Variants in PLXDC2 observed in about 807,000 individuals in gnomAD.
The protein encoded by PLXDC2 is plexin domain-containing protein 2.
A neutral mutation model predicts 68.9 loss-of-function variants in PLXDC2; 40 were observed. The ratio of observed to expected loss-of-function variants is 0.58; its 90% confidence interval spans 0.45 to 0.76. The LOEUF (loss-of-function observed/expected upper bound fraction) is 0.76. PLXDC2 is among the 30% of genes least tolerant of loss of function. The probability of loss-of-function intolerance (pLI) is 0.00; values close to 1 mark genes in which losing one functional copy is unlikely to be tolerated. For synonymous variants in PLXDC2, 243 were observed against 234.2 expected, an observed-to-expected ratio of 1.04 and a Z score of -0.34; for missense variants, 644 against 661.9, an observed-to-expected ratio of 0.97 and a Z score of 0.30.
chr10:20,100,513 T>C (rs1833408926), intron 4 of PLXDC2, among the ~76,000 whole-genome samples: 1 of 152,166 alleles, frequency 6.6e-6, no homozygotes, highest in Admixed American at 6.5e-5. Context: ...AGTGCAAGCA[T>C]TTTGTGTAAT....
At chr10:19,928,778 AGAGACTTGCTCT>A (rs1188952875) in intron 1 of PLXDC2, among the ~76,000 whole-genome samples, 8 of 141,312 alleles carry the variant, frequency 5.7e-5, no homozygotes, top group Admixed American at 4.3e-4. Context: ...TTTTTGAAAC[AGAGACTTGCTCT>A]GTTGCTCAGG....
chr10:20,237,779 A>G (rs1364094547), intron 12 of PLXDC2, among the ~76,000 whole-genome samples: 3 of 152,216 alleles, frequency 2.0e-5, no homozygotes, highest in African/African-American at 7.2e-5. Context: ...AAATTTGTGC[A>G]TGACATTGTC....
At chr10:19,929,710 C>T (rs955899515) in intron 1 of PLXDC2, among the ~76,000 whole-genome samples, 4 of 152,116 alleles carry the variant, frequency 2.6e-5, no homozygotes, top group Non-Finnish European at 5.9e-5. Flanking sequence ...AACAAAGCTG[C>T]GTTTCCATCC....
At chr10:20,199,408 G>GA (rs1455516936) in intron 9 of PLXDC2, among the ~76,000 whole-genome samples, 1 of 151,618 alleles carries the variant, frequency 6.6e-6, no homozygotes, top group Non-Finnish European at 1.5e-5. Context: ...TCTAGTTGCA[G>GA]AAAAAAGAAA....
chr10:20,039,992 C>G (rs185322553), intron 2 of PLXDC2, among the ~76,000 whole-genome samples: 32 of 152,258 alleles, frequency 2.1e-4, no homozygotes, highest in African/African-American at 7.2e-4. Flanking sequence ...GCTGAATCGA[C>G]CTTTCTTGGC....
intron 2 of PLXDC2, among the ~76,000 whole-genome samples, chr10:20,015,605 T>G (rs1031024848): frequency 6.6e-6 from 1 of 152,084 alleles, no homozygotes; most frequent in Non-Finnish European, 1.5e-5. Context: ...TCCACTGAAT[T>G]CCTTAAACTT....
chr10:20,207,674 A>T (rs1835011417), intron 9 of PLXDC2, among the ~76,000 whole-genome samples: 1 of 152,188 alleles, frequency 6.6e-6, no homozygotes, highest in Non-Finnish European at 1.5e-5. Flanking sequence ...CACTCATCTA[A>T]CTCATCTGGA....
At chr10:20,051,634 C>G (rs1183617165) in intron 3 of PLXDC2, among the ~76,000 whole-genome samples, 1 of 151,816 alleles carries the variant, frequency 6.6e-6, no homozygotes, top group Non-Finnish European at 1.5e-5. Context: ...TCATGCAAGG[C>G]TGACTCAGCG....
chr10:19,950,357 A>G (rs1168793450), intron 1 of PLXDC2, among the ~76,000 whole-genome samples: 2 of 152,216 alleles, frequency 1.3e-5, no homozygotes, highest in Non-Finnish European at 2.9e-5. Context: ...TAGCATTTCT[A>G]TACACCAATG....
intron 13 of PLXDC2, among the ~76,000 whole-genome samples, chr10:20,252,950 CTTA>C (rs954046218): frequency 4.5e-4 from 66 of 146,130 alleles, no homozygotes; most frequent in African/African-American, 1.2e-3. Context: ...AAGTGGCATC[CTTA>C]TTATTATCAT....
intron 4 of PLXDC2, among the ~76,000 whole-genome samples, chr10:20,139,807 G>A (rs1309691594): frequency 7.8e-6 from 1 of 127,524 alleles, no homozygotes; most frequent in East Asian, 2.6e-4. Context: ...TGAGCAATGA[G>A]AACACATGGA....
chr10:19,945,851 T>C (rs1833892558), intron 1 of PLXDC2, among the ~76,000 whole-genome samples: 2 of 152,308 alleles, frequency 1.3e-5, no homozygotes, highest in African/African-American at 4.8e-5. Context: ...CAATCAGATA[T>C]GAAGGATTTA....
rs145124701 is a variant in PLXDC2, at chr10:19,993,460, C to T, written c.113-8315C>T. Among the ~76,000 whole-genome samples the T allele has an allele frequency of 4.0e-3, 602 of 152,154 alleles. 4 individuals carry two copies. The highest frequency in any genetic ancestry group is 0.014 in the African/African-American group (586 of 41,506). ...TTTGAAATGGAATCTCACTCTGTGT[C>T]CATGGCTGGAGTGCAGTGGTGCAAT... On this transcript the variant is annotated intron_variant, in intron 1 of 13. Coordinates refer to ENST00000377252, the MANE Select transcript of PLXDC2 (RefSeq NM_032812.9).
intron 4 of PLXDC2, chr10:20,071,009 A>T (rs114662875): frequency 6.6e-6 from 1 of 152,024 alleles, no homozygotes; most frequent in African/African-American, 2.4e-5. Flanking sequence ...AATGATCTCT[A>T]TCTTCTTTGA....
chr10:19,850,176 C>T lies in PLXDC2; in HGVS notation c.112+32985C>T, dbSNP rs563096640. Among the ~76,000 whole-genome samples the T allele has an allele frequency of 2.3e-4, 35 of 152,118 alleles. 1 individual carries two copies. In the East Asian group the frequency reaches 6.2e-3, roughly 27 times the overall value. On this transcript the variant is annotated intron_variant, in intron 1 of 13. Coordinates refer to ENST00000377252, the MANE Select transcript of PLXDC2 (RefSeq NM_032812.9). ...ATGCTAACCACACTGCCTGACTTCACTGACATAATTGCTTTACATGTCAAT... is the reference window on the plus strand; with the variant it reads ...ATGCTAACCACACTGCCTGACTTCATTGACATAATTGCTTTACATGTCAAT...
chr10:19,988,833 T>C lies in PLXDC2; in HGVS notation c.113-12942T>C, dbSNP rs1834695447. 3.0e-5 allele frequency among the ~76,000 whole-genome samples: 4 copies of C among 135,378 alleles called. No individual in the cohort carries two copies. The Admixed American group carries it at 3.2e-4, about 11-fold the overall frequency. 88.8% of individuals were successfully genotyped at this position (135,378 alleles called of 152,430 possible). ...TTTTTTGAGATGGAGTCTCACTTGG[T>C]TGCTCAGGCTGGAGTGCAATGGCGC... On this transcript the variant is annotated intron_variant, in intron 1 of 13. Coordinates refer to ENST00000377252, the MANE Select transcript of PLXDC2 (RefSeq NM_032812.9).
rs186927351 is a variant in PLXDC2 at position 19,816,709 on chromosome 10, C to T, written c.-371C>T. On this transcript the variant is annotated 5_prime_UTR_variant, in exon 1 of 14. Coordinates refer to ENST00000377252, the MANE Select transcript of PLXDC2 (RefSeq NM_032812.9). ...GATCTGTTTTGAACCCAGTGGAGCG[C>T]ATCGCTGGGGCTCGGAAGTCACCGT... 5.4e-6 allele frequency: 2 copies of T among 372,326 alleles called. No individual in the cohort carries two copies. The highest frequency in any genetic ancestry group is 1.2e-4 in the East Asian group (2 of 16,688). The allele number at this position is 372,326 out of a possible 1,614,324, so 23.1% of individuals were successfully genotyped here. A position where few individuals can be genotyped will look rare whatever the true frequency, so the allele number is the denominator to read the frequency against.
At chr10:19,975,880 T>C (rs1419566679) in intron 1 of PLXDC2, among the ~76,000 whole-genome samples, 1 of 152,124 alleles carries the variant, frequency 6.6e-6, no homozygotes, top group Non-Finnish European at 1.5e-5. Context: ...GGCATGCGCC[T>C]GTAATCCCAG....
At chr10:20,181,813 T>A (rs1834608477) in intron 9 of PLXDC2, among the ~76,000 whole-genome samples, 1 of 152,038 alleles carries the variant, frequency 6.6e-6, no homozygotes, top group African/African-American at 2.4e-5. Context: ...GCATTTAGAC[T>A]TTATAACTTA....
Sources: gnomAD v4.1 joint callset for allele counts (sites outside exome capture counted in the v4.1 genomes callset) on GRCh38, gnomAD v4.1.1 for gene constraint, MANE v1.5 for transcripts, NCBI Gene and HGNC (gene_info 2026-07-23, HGNC 2026-07-21) for gene names.